The following GPC6 variants were observed in gnomAD, a reference collection of about 807,000 sequenced individuals.
GPC6 encodes glypican 6, also known as glypican-6.
Under a neutral mutation model 55.2 loss-of-function variants are expected in GPC6, and 14 were observed. The observed-to-expected ratio is 0.25, with a 90% CI of 0.17 to 0.40. GPC6 has a LOEUF of 0.40. Among genes scored for constraint, GPC6 ranks in the 10% least tolerant of loss-of-function variants. GPC6 has a pLI of 1.00. For synonymous variants in GPC6, 278 were observed against 259.6 expected (o/e 1.07, Z -0.68); for missense variants, 641 against 708.5 (o/e 0.90, Z 1.08).
At chr13:93,266,049 A>ATG (rs2139046717) in intron 1 of GPC6, among the ~76,000 whole-genome samples, 1 of 152,296 alleles carries the variant, frequency 6.6e-6, no homozygotes, top group East Asian at 1.9e-4. Flanking sequence ...ACCACTGTAC[A>ATG]TGTGTGTGTA....
intron 6 of GPC6, among the ~76,000 whole-genome samples, chr13:94,320,968 T>C (rs948263148): frequency 2.6e-5 from 4 of 152,218 alleles, no homozygotes; most frequent in Admixed American, 6.5e-5. Context: ...GTTATATAGG[T>C]AAATTGCATG....
At chr13:94,272,493 G>C (rs1247678076) in intron 4 of GPC6, among the ~76,000 whole-genome samples, 2 of 101,916 alleles carry the variant, frequency 2.0e-5, no homozygotes, top group African/African-American at 4.4e-5. Context: ...TTTTGAAACA[G>C]AGTCTCACTC....
At chr13:93,773,876 T>TA (rs1242252799) in intron 2 of GPC6, among the ~76,000 whole-genome samples, 2 of 152,196 alleles carry the variant, frequency 1.3e-5, no homozygotes, top group Non-Finnish European at 2.9e-5. Context: ...CAGAGCAACT[T>TA]AAAATCTTCT....
Position 93,394,811 on chromosome 13 carries a change from T to A in GPC6, c.161-150452T>A, listed in dbSNP as rs184804841. 2.0e-5 allele frequency among the ~76,000 whole-genome samples: 3 copies of A among 152,226 alleles called. No homozygotes were observed. In the East Asian group the frequency reaches 5.8e-4, roughly 29 times the overall value. On this transcript the variant is annotated intron_variant, in intron 1 of 8. Transcript: ENST00000377047. ...TTAGGTAATTTTATTTATTTATTTATTTATTTATTTTAGAAGACACATATA... is the reference window on the plus strand; with the variant it reads ...TTAGGTAATTTTATTTATTTATTTAATTATTTATTTTAGAAGACACATATA...
intron 6 of GPC6, among the ~76,000 whole-genome samples, chr13:94,317,531 A>T (rs1218001590): frequency 6.6e-6 from 1 of 152,234 alleles, no homozygotes; most frequent in East Asian, 1.9e-4. Flanking sequence ...ACATGTCTGC[A>T]CAAAAATGTT....
chr13:94,183,386 T>G (rs1464668427), intron 4 of GPC6, among the ~76,000 whole-genome samples: 1 of 152,192 alleles, frequency 6.6e-6, no homozygotes, highest in Non-Finnish European at 1.5e-5. Flanking sequence ...GTATCAGAAC[T>G]TCATTCCTTT....
At chr13:93,280,664 A>G (rs771927934) in intron 1 of GPC6, among the ~76,000 whole-genome samples, 6 of 152,244 alleles carry the variant, frequency 3.9e-5, no homozygotes, top group Non-Finnish European at 8.8e-5. Flanking sequence ...TGCCCTACAT[A>G]GGGCGCTTTA....
chr13:94,115,898 C>T (rs548758259), intron 4 of GPC6, among the ~76,000 whole-genome samples: 10 of 152,084 alleles, frequency 6.6e-5, no homozygotes, highest in African/African-American at 1.9e-4. Context: ...AGAAGTCCTA[C>T]GGTGATTCTT....
intron 1 of GPC6, among the ~76,000 whole-genome samples, chr13:93,298,929 G>C (rs1473680182): frequency 1.3e-5 from 2 of 150,278 alleles, no homozygotes; most frequent in African/African-American, 4.9e-5. Flanking sequence ...TTAGTCACAT[G>C]GTGTCTCATG....
chr13:93,736,337 T>A (rs1178245351), intron 2 of GPC6, among the ~76,000 whole-genome samples: 5 of 152,218 alleles, frequency 3.3e-5, no homozygotes, highest in Non-Finnish European at 1.5e-5. Context: ...CACACTGACA[T>A]CCATGAACTA....
At chr13:94,198,801 C>T (rs550094116) in intron 4 of GPC6, among the ~76,000 whole-genome samples, 1 of 152,142 alleles carries the variant, frequency 6.6e-6, no homozygotes, top group African/African-American at 2.4e-5. Flanking sequence ...AGTGAAAAAC[C>T]ACAGTGATAT....
Position 93,814,081 on chromosome 13 carries a change from C to T in GPC6, c.320-16073C>T, listed in dbSNP as rs142815787. ...TTTCTTATTAGGAGGTATCTGCAGG[C>T]TCATATGTGGCAGAAGGTAATTTTA... On this transcript the variant is annotated intron_variant, in intron 2 of 8. Coordinates refer to ENST00000377047, the MANE Select transcript of GPC6 (RefSeq NM_005708.5). Among the ~76,000 whole-genome samples the T allele has an allele frequency of 3.4e-3, 517 of 152,122 alleles. 3 individuals are homozygous for T. Among genetic ancestry groups the T allele is most frequent in the Middle Eastern group, 0.01 (3 of 294 alleles).
At chr13:93,643,434 C>A (rs2139589230) in intron 2 of GPC6, among the ~76,000 whole-genome samples, 1 of 152,110 alleles carries the variant, frequency 6.6e-6, no homozygotes, top group African/African-American at 2.4e-5. Flanking sequence ...AAGGGAGCCC[C>A]CACAGGAAAT....
intron 4 of GPC6, among the ~76,000 whole-genome samples, chr13:94,155,679 C>G (rs1474918556): frequency 1.3e-5 from 2 of 152,154 alleles, no homozygotes; most frequent in Non-Finnish European, 2.9e-5. Context: ...GATAACTCTT[C>G]TGATACGCAA....
intron 2 of GPC6, among the ~76,000 whole-genome samples, chr13:93,828,592 A>G (rs1270670899): frequency 6.6e-6 from 1 of 152,144 alleles, no homozygotes; most frequent in East Asian, 1.9e-4. Context: ...GAGATTTAAT[A>G]ATATTCAACT....
chr13:93,779,658 A>G (rs894114164), intron 2 of GPC6, among the ~76,000 whole-genome samples: 3 of 152,180 alleles, frequency 2.0e-5, no homozygotes, highest in African/African-American at 7.2e-5. Context: ...TTAGCGTCGT[A>G]TGTGCTATAT....
At chr13:94,202,896 C>T (rs764314751) in intron 4 of GPC6, among the ~76,000 whole-genome samples, 1 of 151,960 alleles carries the variant, frequency 6.6e-6, no homozygotes, top group Non-Finnish European at 1.5e-5. Flanking sequence ...GGTTCATTTT[C>T]TAGTGCAATA....
At chr13:93,391,542 GT>G (rs962214569) in intron 1 of GPC6, among the ~76,000 whole-genome samples, 2 of 152,176 alleles carry the variant, frequency 1.3e-5, no homozygotes, top group Non-Finnish European at 2.9e-5. Flanking sequence ...TACAGTACAG[GT>G]TTTTAATTTG....
intron 1 of GPC6, among the ~76,000 whole-genome samples, chr13:93,445,953 A>G (rs544164558): frequency 6.6e-6 from 1 of 152,316 alleles, no homozygotes; most frequent in South Asian, 2.1e-4. Context: ...CTTCATAGGC[A>G]AATATGGCAG....
Sources: gnomAD v4.1 joint callset for allele counts (sites outside exome capture counted in the v4.1 genomes callset) on GRCh38, gnomAD v4.1.1 for gene constraint, MANE v1.5 for transcripts, NCBI Gene and HGNC (gene_info 2026-07-23, HGNC 2026-07-21) for gene names.